CFAP299: variants seen among roughly 807,000 people sequenced by gnomAD.
CFAP299 encodes the protein cilia- and flagella-associated protein 299.
CFAP299 carries 21 observed loss-of-function variants against 27.0 expected under a neutral mutation model. The observed-to-expected ratio is 0.78, with a 90% CI of 0.55 to 1.12. The LOEUF (loss-of-function observed/expected upper bound fraction) is 1.12, where lower values mean the gene tolerates loss of function less well. Among genes scored for constraint, CFAP299 ranks in the 50% most tolerant of loss-of-function variants. The pLI is 0.00. For missense variants in CFAP299, 310 were observed against 276.6 expected (o/e 1.12, Z -0.86); for synonymous variants, 104 against 98.1 (o/e 1.06, Z -0.36).
chr4:80,588,665 G>A (rs1430211024), intron 3 of CFAP299, among the ~76,000 whole-genome samples: 1 of 144,362 alleles, frequency 6.9e-6, no homozygotes, highest in Non-Finnish European at 1.5e-5. Flanking sequence ...GCTAGTACAT[G>A]TCCCATATAT....
At chr4:80,383,101 G>A (rs1724793784) in intron 2 of CFAP299, among the ~76,000 whole-genome samples, 2 of 152,106 alleles carry the variant, frequency 1.3e-5, no homozygotes, top group African/African-American at 2.4e-5. Context: ...AGTATTGTAT[G>A]TTCTCACTTA....
chr4:80,789,631 G>A (rs943597467), intron 3 of CFAP299, among the ~76,000 whole-genome samples: 10 of 151,956 alleles, frequency 6.6e-5, no homozygotes, highest in African/African-American at 1.7e-4. Flanking sequence ...ATTTTGACAC[G>A]TATTTATTCT....
intron 3 of CFAP299, among the ~76,000 whole-genome samples, chr4:80,624,948 G>T (rs1005268404): frequency 1.3e-5 from 2 of 152,066 alleles, no homozygotes; most frequent in Non-Finnish European, 2.9e-5. Flanking sequence ...AAAGCTGAGG[G>T]AGTTCATCAC....
intron 3 of CFAP299, among the ~76,000 whole-genome samples, chr4:80,660,609 A>G (rs1278216994): frequency 6.6e-6 from 1 of 152,208 alleles, no homozygotes; most frequent in African/African-American, 2.4e-5. Context: ...ATTATTAGTT[A>G]TAAGGGTGGC....
intron 4 of CFAP299, among the ~76,000 whole-genome samples, chr4:80,905,273 T>C (rs1367916390): frequency 2.0e-5 from 3 of 152,198 alleles, no homozygotes; most frequent in Admixed American, 2.0e-4. Context: ...ATCAAGTTAA[T>C]GGTCAATATG....
intron 3 of CFAP299, among the ~76,000 whole-genome samples, chr4:80,611,357 C>A (rs546726183): frequency 6.6e-6 from 1 of 152,000 alleles, no homozygotes; most frequent in Non-Finnish European, 1.5e-5. Flanking sequence ...GAATGCTGGG[C>A]AAATTAGCTT....
chr4:80,651,298 T>TTA (rs1740269667), intron 3 of CFAP299, among the ~76,000 whole-genome samples: 1 of 150,278 alleles, frequency 6.7e-6, no homozygotes, highest in African/African-American at 2.5e-5. Context: ...TTACTCTCTC[T>TTA]CTCTTTCTTT....
chr4:80,447,740 A>G (rs1041248744), intron 2 of CFAP299, among the ~76,000 whole-genome samples: 3 of 152,186 alleles, frequency 2.0e-5, no homozygotes, highest in African/African-American at 7.2e-5. Flanking sequence ...GGTGTGAGCC[A>G]CCATGCCCGG....
chr4:80,840,963 T>C (rs147128233), intron 3 of CFAP299, among the ~76,000 whole-genome samples: 212 of 152,190 alleles, frequency 1.4e-3, no homozygotes, highest in African/African-American at 4.9e-3. Context: ...TAGAAGTAGA[T>C]GTTTTCACTC....
intron 3 of CFAP299, among the ~76,000 whole-genome samples, chr4:80,858,050 G>A (rs1429244671): frequency 6.6e-6 from 1 of 152,022 alleles, no homozygotes; most frequent in African/African-American, 2.4e-5. Context: ...ACTCTTTTTG[G>A]TTGGTAAGCT....
intron 4 of CFAP299, among the ~76,000 whole-genome samples, chr4:80,889,289 A>G (rs1040906163): frequency 6.6e-6 from 1 of 151,998 alleles, no homozygotes. Context: ...TAGATGAAAA[A>G]GAAGACATTT....
At chr4:80,474,986 G>A (rs1457088995) in intron 2 of CFAP299, among the ~76,000 whole-genome samples, 10 of 152,160 alleles carry the variant, frequency 6.6e-5, no homozygotes, top group Admixed American at 6.6e-4. Context: ...TGTATTTAGG[G>A]AAAGCCCCAG....
At chr4:80,887,759 A>C (rs1734043881) in intron 4 of CFAP299, among the ~76,000 whole-genome samples, 1 of 152,130 alleles carries the variant, frequency 6.6e-6, no homozygotes, top group South Asian at 2.1e-4. Context: ...AACCATGAAA[A>C]CTACAACAAC....
Position 80,608,169 on chromosome 4 carries a change from A to AT in CFAP299, c.333+24995dup, listed in dbSNP as rs201275041. Among the ~76,000 whole-genome samples the AT allele has an allele frequency of 5.3e-3, 798 of 151,542 alleles. 5 individuals are homozygous for AT. The highest frequency in any genetic ancestry group is 0.021 in the Middle Eastern group (6 of 290). On this transcript the variant is annotated intron_variant, in intron 3 of 5. Coordinates refer to ENST00000358105, the MANE Select transcript of CFAP299 (RefSeq NM_152770.3). ...TCATGTTAGAGATATGAGCTATCTA[A>AT]TTTTTTTTTACCATTCACAAGTGTT...
chr4:80,931,521 A>G (rs890193783), intron 4 of CFAP299, among the ~76,000 whole-genome samples: 12 of 152,106 alleles, frequency 7.9e-5, no homozygotes, highest in African/African-American at 2.9e-4. Context: ...GAAGCAGGCC[A>G]TGTCTCACTC....
intron 4 of CFAP299, chr4:80,872,691 G>A (rs1465753695): frequency 6.4e-6 from 1 of 156,586 alleles, no homozygotes; most frequent in Non-Finnish European, 1.4e-5. Flanking sequence ...ATCTCTCAAT[G>A]TGGTTTTCAT....
intron 2 of CFAP299, among the ~76,000 whole-genome samples, chr4:80,451,604 T>G (rs1408958080): frequency 3.3e-5 from 5 of 152,232 alleles, no homozygotes; most frequent in African/African-American, 1.2e-4. Context: ...AATAACTAAA[T>G]TCACTTAAGT....
chr4:80,886,024 A>G (rs953440042), intron 4 of CFAP299, among the ~76,000 whole-genome samples: 15 of 152,094 alleles, frequency 9.9e-5, no homozygotes, highest in Non-Finnish European at 1.8e-4. Context: ...CAAGCTGACA[A>G]AAGAGCCCTT....
intron 4 of CFAP299, among the ~76,000 whole-genome samples, chr4:80,877,120 T>G (rs924051300): frequency 1.1e-4 from 16 of 152,188 alleles, no homozygotes; most frequent in African/African-American, 3.4e-4. Flanking sequence ...AGGGAAACAT[T>G]GGCCCTGACT....
Sources: allele counts gnomAD v4.1 joint callset (sites outside exome capture counted in the v4.1 genomes callset), GRCh38; gene constraint gnomAD v4.1.1; transcripts MANE v1.5; gene names NCBI Gene and HGNC (gene_info 2026-07-23, HGNC 2026-07-21).